The following GSDMB variants were observed in gnomAD, a reference collection of about 807,000 sequenced individuals.
GSDMB encodes the protein gasdermin B, also known as gasdermin-B.
GSDMB carries 32 observed loss-of-function variants against 42.9 expected under a neutral mutation model. The ratio of observed to expected loss-of-function variants is 0.75; its 90% CI spans 0.56 to 1.00. The LOEUF (loss-of-function observed/expected upper bound fraction) is 1.00. Ranked by LOEUF, GSDMB falls within the 50% of genes least tolerant of loss-of-function variation. The pLI is 0.00. For synonymous variants in GSDMB, 175 were observed against 193.7 expected, an observed-to-expected ratio of 0.90 and a Z score of 0.80; for missense variants, 468 against 498.5, an observed-to-expected ratio of 0.94 and a Z score of 0.58.
At chr17:39,909,347 A>G in intron 4 of GSDMB, 1 of 409,074 alleles carries the variant, frequency 2.4e-6, no homozygotes, top group African/African-American at 2.1e-5. Flanking sequence ...TAGAAAGGAG[A>G]CAGACAATAA....
chr17:39,909,811 C>T lies in GSDMB; in HGVS notation c.521G>A (p.Arg174Gln), dbSNP rs747056027. Reference sequence around the variant, plus strand: ...GATCTGGCTCCAAAATTTATATTGCCGGTCGCTTTTCAGGGTTTCCTCCTT... The same window carrying T: ...GATCTGGCTCCAAAATTTATATTGCTGGTCGCTTTTCAGGGTTTCCTCCTT... ...TVKEETLKSD[R>Q]QYKFWSQISQ... The change falls in exon 4 of 11, where the codon CGG (arginine) becomes CAG (glutamine). Residue 174 changes from arginine to glutamine, a missense_variant. Arg to Gln is a conservative substitution (Grantham distance 43). Transcript: ENST00000418519. 6.8e-6 allele frequency: 11 copies of T among 1,614,100 alleles called. No homozygotes were observed. Among genetic ancestry groups the T allele is most frequent in the South Asian group, 1.1e-5 (1 of 91,082 alleles).
At chr17:39,916,710 C>T (rs1189604463) in intron 2 of GSDMB, among the ~76,000 whole-genome samples, 2 of 152,156 alleles carry the variant, frequency 1.3e-5, no homozygotes, top group African/African-American at 4.8e-5. Context: ...GGCTTTGAAA[C>T]CAGGTGCTTC....
In GSDMB at chr17:39,909,747, G is replaced by A; in HGVS notation, c.576+9C>T. 6.2e-7 allele frequency: 1 copy of A among 1,612,444 alleles called. No individual in the cohort carries two copies. Among genetic ancestry groups the A allele is most frequent in the Non-Finnish European group, 8.5e-7 (1 of 1,179,212 alleles). ...GGCCTCCACAGTCCCTGCCTCCCAG[G>A]ATCCTAACCTTGTGTTTATAGCTGA... On this transcript the variant is annotated intron_variant, in intron 4 of 10. Coordinates refer to ENST00000418519, the MANE Select transcript of GSDMB (RefSeq NM_001165958.2).
At position 39,908,372 on chromosome 17, in the gene GSDMB, TTTTTG is replaced by T. The variant is rs2063545654; in HGVS notation, c.662-163_662-159del. On this transcript the variant is annotated intron_variant, in intron 5 of 10. Coordinates refer to ENST00000418519, the MANE Select transcript of GSDMB (RefSeq NM_001165958.2). ...AACTGTTTTTTGTTTTTGTTTTTGT[TTTTTG>T]TTTTTTGTTTTTTGTTTTTGAGATG... 5.5e-6 allele frequency: 3 copies of T among 547,916 alleles called. No homozygotes were observed. The Admixed American group carries it at 9.6e-5, about 18-fold the overall frequency. The allele number at this position is 547,916 out of a possible 1,614,324, so 33.9% of individuals were successfully genotyped here. A position where few individuals can be genotyped will look rare whatever the true frequency, so the allele number is the denominator to read the frequency against.
intron 2 of GSDMB, among the ~76,000 whole-genome samples, chr17:39,913,700 T>C (rs1188294493): frequency 1.3e-5 from 2 of 152,170 alleles, no homozygotes; most frequent in African/African-American, 4.8e-5. Flanking sequence ...CAAACACGCA[T>C]GGACTCGGCC....
rs753616333 is a variant in GSDMB at position 39,908,960 on chromosome 17, A to T, written c.659T>A (p.Met220Lys). The T allele has an allele frequency of 1.3e-6, 2 of 1,593,382 alleles. No individual in the cohort carries two copies. Among genetic ancestry groups the T allele is most frequent in the Non-Finnish European group, 1.7e-6 (2 of 1,164,860 alleles). The change falls in exon 5 of 11, where the codon ATG becomes AAG. Residue 220 changes from methionine (M) to lysine (K), a missense_variant and splice_region_variant. Coordinates refer to ENST00000418519, the MANE Select transcript of GSDMB (RefSeq NM_001165958.2). ...GTTCTCCATCTGCCTTTGCTTACTC[A>T]TCGTCTCCTTGTTGGGGAAGACAAG... ...KQLVFPNKET[M>K]NIHFRGKTKS...
chr17:39,912,261 T>C (rs1011082), intron 3 of GSDMB, 65 bp downstream of exon 3: 622,452 of 1,191,348 alleles, frequency 0.52, 166,169 homozygotes, highest in East Asian at 0.73. Flanking sequence ...CTGCCACCCT[T>C]GAATCCCTTG....
Position 39,904,736 on chromosome 17 carries a change from G to A in GSDMB, c.*76C>T, listed in dbSNP as rs2063472207. The A allele has an allele frequency of 1.7e-6, 2 of 1,196,100 alleles. No homozygotes were observed. Among genetic ancestry groups the A allele is most frequent in the Non-Finnish European group, 2.4e-6 (2 of 822,566 alleles). The allele number at this position is 1,196,100 out of a possible 1,614,324, so 74.1% of individuals were successfully genotyped here. A position where few individuals can be genotyped will look rare whatever the true frequency, so the allele number is the denominator to read the frequency against. ...AAAGAGGTCCCACTGGTGACAGGAT[G>A]GTAGTGGCGATGGCAGTGAGGACAG... On this transcript the variant is annotated 3_prime_UTR_variant, in exon 11 of 11. Coordinates refer to ENST00000418519, the MANE Select transcript of GSDMB (RefSeq NM_001165958.2).
rs138087355 is a variant in GSDMB at position 39,917,311 on chromosome 17, G to T, written c.6C>A (p.Phe2Leu). The part of the protein sequence containing the change: M[F>L]SVFEEITRIV... The stretch of plus-strand genomic sequence containing the variant: ...TTCTTGTGATTTCCTCAAATACGCT[G>T]AACATTGCGCCTGGACCAACTCAGA... The change falls in exon 2 of 11, where the codon TTC becomes TTA. Residue 2 changes from phenylalanine (F) to leucine (L), a missense_variant. By Grantham distance (22) the Phe-to-Leu change is conservative (BLOSUM62 0). Transcript: ENST00000418519. 208 of 1,604,036 alleles carry T rather than the reference G, an allele frequency of 1.3e-4. 1 individual carries two copies. The highest frequency in any genetic ancestry group is 1.7e-4 in the Non-Finnish European group (202 of 1,170,918).
chr17:39,910,537 T>C (rs2063588531), intron 3 of GSDMB, among the ~76,000 whole-genome samples: 1 of 150,228 alleles, frequency 6.7e-6, no homozygotes, highest in Non-Finnish European at 1.5e-5. Context: ...AGAGCTGGGA[T>C]TCAAACCCTG....
intron 2 of GSDMB, among the ~76,000 whole-genome samples, chr17:39,914,833 C>CTTTTTT (rs79835993): frequency 1.4e-5 from 2 of 140,048 alleles, no homozygotes; most frequent in Non-Finnish European, 1.5e-5. Flanking sequence ...CCTATGCACA[C>CTTTTTT]TTTTTTTTTT....
intron 2 of GSDMB, among the ~76,000 whole-genome samples, chr17:39,913,766 T>A (rs2063658775): frequency 6.6e-6 from 1 of 152,096 alleles, no homozygotes; most frequent in African/African-American, 2.4e-5. Flanking sequence ...CCACCCCAGG[T>A]TCGTGGAGGA....
intron 3 of GSDMB, 102 bp downstream of exon 3, chr17:39,912,224 A>T (rs1037022464): frequency 1.3e-6 from 1 of 797,580 alleles, no homozygotes; most frequent in Admixed American, 2.5e-5. Context: ...GAAAAATAAA[A>T]ATAAATAAAT....
intron 2 of GSDMB, among the ~76,000 whole-genome samples, chr17:39,916,760 A>G (rs921400041): frequency 6.6e-6 from 1 of 152,194 alleles, no homozygotes; most frequent in African/African-American, 2.4e-5. Flanking sequence ...CAGTAAGCAA[A>G]CTGCCCTCAT....
chr17:39,917,308 G>A lies in GSDMB; in HGVS notation c.9C>T (p.Ser3=), dbSNP rs764751815. 7 of 1,604,516 alleles carry A rather than the reference G, an allele frequency of 4.4e-6. No individual in the cohort carries two copies. Among genetic ancestry groups the A allele is most frequent in the South Asian group, 1.1e-5 (1 of 90,880 alleles). ...CAATTCTTGTGATTTCCTCAAATAC[G>A]CTGAACATTGCGCCTGGACCAACTC... MF[S]VFEEITRIVV... is the part of the protein sequence containing the mutation. The change falls in exon 2 of 11, where the codon AGC becomes AGT. Residue 3 remains serine, a synonymous_variant. Transcript: ENST00000418519.
rs962221174 is a variant in GSDMB, at chr17:39,906,315, G to T, written c.728-44C>A. On this transcript the variant is annotated intron_variant, in intron 7 of 10. Coordinates refer to ENST00000418519, the MANE Select transcript of GSDMB (RefSeq NM_001165958.2). ...AGAACCTGGGCCACCCAGCCCAAAA[G>T]GTTTTATTTCTAAGGCTCTGTTATT... is the stretch of plus-strand genomic sequence containing the variant. 8.8e-6 allele frequency: 14 copies of T among 1,594,828 alleles called. No homozygotes were observed. In the African/African-American group the frequency reaches 1.9e-4, roughly 22 times the overall value.
chr17:39,906,239 T>A lies in GSDMB; in HGVS notation c.760A>T (p.Met254Leu). 2 of 1,614,206 alleles carry A rather than the reference T, an allele frequency of 1.2e-6. No homozygotes were observed. Among genetic ancestry groups the A allele is most frequent in the Non-Finnish European group, 1.7e-6 (2 of 1,180,020 alleles). Reference protein sequence around the residue: ...KSLGSEDSRNMKEKLEDMESV... With the variant: ...KSLGSEDSRNLKEKLEDMESV... Reference sequence around the variant, plus strand: ...TCCATGTCCTCCAACTTCTCCTTCATGTTTCTGGAATCCTCCGAACCCAAA... The same window carrying A: ...TCCATGTCCTCCAACTTCTCCTTCAAGTTTCTGGAATCCTCCGAACCCAAA... Residue 254 changes from methionine to leucine, a missense_variant, in exon 8 of 11, where the codon ATG (methionine) becomes TTG (leucine). Met to Leu is a conservative substitution (Grantham distance 15). Transcript: ENST00000418519.
rs1317142561 is a variant in GSDMB, at chr17:39,906,020, C to T, written c.889-35G>A. The T allele has an allele frequency of 2.5e-6, 4 of 1,612,584 alleles. No homozygotes were observed. In the Admixed American group the frequency reaches 6.7e-5, roughly 27 times the overall value. On this transcript the variant is annotated intron_variant, in intron 8 of 10. Coordinates refer to ENST00000418519, the MANE Select transcript of GSDMB (RefSeq NM_001165958.2). ...GGAAGTGTGGGAGATGAGCAGCAGTCTCACCATAGCAGATTATCCTCACTG... is the reference window on the plus strand; with the variant it reads ...GGAAGTGTGGGAGATGAGCAGCAGTTTCACCATAGCAGATTATCCTCACTG...
chr17:39,917,823 A>G (rs1234473271), intron 1 of GSDMB: 2 of 172,360 alleles, frequency 1.2e-5, no homozygotes, highest in Non-Finnish European at 1.3e-5. Flanking sequence ...CGCACGTGAC[A>G]TGAGGTCAAG....
Sources: allele counts gnomAD v4.1 joint callset (sites outside exome capture counted in the v4.1 genomes callset), GRCh38; gene constraint gnomAD v4.1.1; transcripts MANE v1.5; gene names NCBI Gene and HGNC (gene_info 2026-07-23, HGNC 2026-07-21).